Variants in POPDC1 observed in about 807,000 individuals in gnomAD.
POPDC1 encodes popeye domain-containing protein 1.
At chr6:105,097,614 C>T in the POPDC1 span, 1 of 152,178 alleles carries the variant, frequency 6.6e-6, no homozygotes, top group Non-Finnish European at 1.5e-5. Flanking sequence ...TTTCCAGCAA[C>T]CAAGTGACTC....
At chr6:105,103,776 T>C in the POPDC1 span, among the ~76,000 whole-genome samples, 1 of 152,306 alleles carries the variant, frequency 6.6e-6, no homozygotes, top group East Asian at 1.9e-4. Context: ...TTGAGGCAGG[T>C]ATCTATACTC....
the POPDC1 span, among the ~76,000 whole-genome samples, chr6:105,117,470 C>T: frequency 6.6e-6 from 1 of 152,100 alleles, no homozygotes; most frequent in African/African-American, 2.4e-5. Context: ...ACAGACATCC[C>T]CAAATTAGCT....
chr6:105,124,181 G>C, the POPDC1 span, among the ~76,000 whole-genome samples: 2 of 152,056 alleles, frequency 1.3e-5, no homozygotes, highest in African/African-American at 4.8e-5. Flanking sequence ...AAGAGATTGA[G>C]ACCATCCTGG....
At chr6:105,129,968 A>G in the POPDC1 span, among the ~76,000 whole-genome samples, 5 of 152,200 alleles carry the variant, frequency 3.3e-5, no homozygotes, top group Non-Finnish European at 4.4e-5. Context: ...CCTAAGCCAA[A>G]TATCATGTTG....
At chr6:105,101,040 G>C in the POPDC1 span, 2 of 1,540,760 alleles carry the variant, frequency 1.3e-6, no homozygotes, top group Non-Finnish European at 1.7e-6. Context: ...TATTTTTCAG[G>C]ATCTCTTCAA....
chr6:105,100,556 ATATATATATATATGTATGTATGTATG>A, the POPDC1 span: 1 of 135,852 alleles, frequency 7.4e-6, no homozygotes, highest in Non-Finnish European at 1.5e-5. Context: ...ATATATGTAT[ATATATATATATATGTATGTATGTATG>A]TGTGTGTGTG....
the POPDC1 span, among the ~76,000 whole-genome samples, chr6:105,120,959 G>C: frequency 6.6e-6 from 1 of 152,210 alleles, no homozygotes; most frequent in Non-Finnish European, 1.5e-5. Context: ...AAAAGTGGCA[G>C]AGGAAATTGT....
chr6:105,133,092 T>C, the POPDC1 span, among the ~76,000 whole-genome samples: 4 of 152,200 alleles, frequency 2.6e-5, no homozygotes, highest in African/African-American at 9.6e-5. Context: ...GTTCATACTC[T>C]TACACATGAA....
chr6:105,105,733 G>GT, the POPDC1 span, among the ~76,000 whole-genome samples: 1 of 70,196 alleles, frequency 1.4e-5, no homozygotes, highest in Middle Eastern at 6.3e-3. Flanking sequence ...GGTTTGCCTG[G>GT]TTTTTCATTA....
the POPDC1 span, chr6:105,097,950 ATATT>A: frequency 6.6e-5 from 10 of 152,324 alleles, no homozygotes; most frequent in African/African-American, 2.2e-4. Context: ...GTAAATATAA[ATATT>A]TATGAGGGCT....
At chr6:105,100,276 A>C in the POPDC1 span, 1 of 151,788 alleles carries the variant, frequency 6.6e-6, no homozygotes, top group African/African-American at 2.4e-5. Context: ...CTGGGAGGCC[A>C]AGGTGGGCGG....
At chr6:105,107,103 C>A in the POPDC1 span, among the ~76,000 whole-genome samples, 3 of 152,138 alleles carry the variant, frequency 2.0e-5, 1 homozygote, top group East Asian at 3.9e-4. Context: ...TACCTCCCCC[C>A]ACCCCCATTA....
At chr6:105,120,759 TCTGCCA>T in the POPDC1 span, among the ~76,000 whole-genome samples, 1 of 152,218 alleles carries the variant, frequency 6.6e-6, no homozygotes, top group Non-Finnish European at 1.5e-5. Context: ...CTCTGAGGGA[TCTGCCA>T]CATGTGCTAG....
chr6:105,131,966 C>CTTTT, the POPDC1 span, among the ~76,000 whole-genome samples: 1 of 136,172 alleles, frequency 7.3e-6, no homozygotes. Context: ...TCATTTATCA[C>CTTTT]TTTTTTTTTT....
the POPDC1 span, among the ~76,000 whole-genome samples, chr6:105,109,221 G>T: frequency 6.6e-6 from 1 of 152,164 alleles, no homozygotes; most frequent in African/African-American, 2.4e-5. Context: ...GCCTCCCAAA[G>T]TGCGGGGACT....
the POPDC1 span, among the ~76,000 whole-genome samples, chr6:105,116,421 T>A: frequency 1.3e-4 from 20 of 152,050 alleles, no homozygotes; most frequent in Admixed American, 1.1e-3. Flanking sequence ...ACTTACTCCA[T>A]CCTCCACCCC....
the POPDC1 span, among the ~76,000 whole-genome samples, chr6:105,121,079 G>A: frequency 6.6e-6 from 1 of 152,074 alleles, no homozygotes; most frequent in South Asian, 2.1e-4. Flanking sequence ...ATGCCTGCAA[G>A]ACATCCCTCT....
the POPDC1 span, chr6:105,100,059 C>T: frequency 6.6e-6 from 1 of 152,144 alleles, no homozygotes; most frequent in Non-Finnish European, 1.5e-5. Flanking sequence ...TGGCATAATA[C>T]AAGGGTAATG....
At chr6:105,122,315 C>T in the POPDC1 span, among the ~76,000 whole-genome samples, 1 of 152,184 alleles carries the variant, frequency 6.6e-6, no homozygotes, top group Non-Finnish European at 1.5e-5. Context: ...AACACATTTT[C>T]TTCATCCAGC....
Sources: gnomAD v4.1 joint callset for allele counts (sites outside exome capture counted in the v4.1 genomes callset) on GRCh38, gnomAD v4.1.1 for gene constraint, MANE v1.5 for transcripts, NCBI Gene and HGNC (gene_info 2026-07-23, HGNC 2026-07-21) for gene names.